Variants in MTAP observed in about 807,000 individuals in gnomAD.
The protein encoded by MTAP is S-methyl-5'-thioadenosine phosphorylase.
A neutral mutation model predicts 33.6 loss-of-function variants in MTAP; 33 were observed. The observed-to-expected ratio is 0.98, with a 90% CI of 0.74 to 1.31. The LOEUF (loss-of-function observed/expected upper bound fraction) is 1.31. Among genes scored for constraint, MTAP ranks in the 40% most tolerant of loss-of-function variants. The probability of loss-of-function intolerance (pLI) is 0.00; values close to 1 mark genes in which losing one functional copy is unlikely to be tolerated. For missense variants in MTAP, 367 were observed against 360.0 expected (o/e 1.02, Z -0.16); for synonymous variants, 148 against 125.7 (o/e 1.18, Z -1.19).
intron 1 of MTAP, among the ~76,000 whole-genome samples, chr9:21,890,457 G>T (rs1378822702): frequency 6.6e-6 from 1 of 152,080 alleles, no homozygotes; most frequent in Admixed American, 6.5e-5. Flanking sequence ...CTCACTTCTG[G>T]ATTCTGCCCA....
At chr9:21,804,722 G>T (rs1824161256) in intron 1 of MTAP, among the ~76,000 whole-genome samples, 1 of 152,188 alleles carries the variant, frequency 6.6e-6, no homozygotes, top group Non-Finnish European at 1.5e-5. Context: ...AGAATGATGG[G>T]GCTGGAGTGT....
chr9:21,931,556 A>C (rs1446100135), downstream of MTAP: 1 of 185,022 alleles, frequency 5.4e-6, no homozygotes, highest in East Asian at 1.4e-4. Flanking sequence ...AGGCTCAAAC[A>C]TGGGCACTAA....
intron 6 of MTAP, among the ~76,000 whole-genome samples, chr9:21,858,718 A>G (rs1416747928): frequency 1.3e-5 from 2 of 152,224 alleles, no homozygotes; most frequent in Admixed American, 6.5e-5. Context: ...AATCCAAACC[A>G]TACCAGAATT....
chr9:21,819,490 G>A (rs1018965833), intron 4 of MTAP, among the ~76,000 whole-genome samples: 16 of 152,186 alleles, frequency 1.1e-4, no homozygotes, highest in South Asian at 2.1e-4. Context: ...TTATGGCTGC[G>A]TAGTATTCCA....
At chr9:21,929,747 C>T (rs937603902) in intron 1 of MTAP, 1 of 213,948 alleles carries the variant, frequency 4.7e-6, no homozygotes, top group Non-Finnish European at 9.7e-6. Flanking sequence ...AAAAGCAAAG[C>T]AGTATTTACT....
chr9:21,901,477 A>G (rs1818392278), intron 1 of MTAP, among the ~76,000 whole-genome samples: 1 of 152,212 alleles, frequency 6.6e-6, no homozygotes, highest in Non-Finnish European at 1.5e-5. Context: ...AAAGAATCAG[A>G]CATCAGGCAC....
intron 5 of MTAP, among the ~76,000 whole-genome samples, chr9:21,850,553 A>G (rs1825485515): frequency 6.6e-6 from 1 of 152,226 alleles, no homozygotes; most frequent in Admixed American, 6.5e-5. Context: ...TCAGTGGCAG[A>G]TAAGGATGCT....
intron 1 of MTAP, among the ~76,000 whole-genome samples, chr9:21,912,906 C>T (rs556005748): frequency 1.3e-5 from 2 of 152,304 alleles, no homozygotes; most frequent in African/African-American, 2.4e-5. Context: ...TCCAAAATCT[C>T]GTTAAGCTGA....
chr9:21,846,768 G>A (rs1254415048), intron 5 of MTAP, among the ~76,000 whole-genome samples: 2 of 152,178 alleles, frequency 1.3e-5, no homozygotes, highest in Admixed American at 1.3e-4. Context: ...ATATGAAAAA[G>A]ACACTTGCAC....
chr9:21,885,779 GGTGTGTGTGTGTGTGTGT>G (rs34691018), intron 1 of MTAP, among the ~76,000 whole-genome samples: 1 of 144,348 alleles, frequency 6.9e-6, no homozygotes, highest in African/African-American at 2.5e-5. Flanking sequence ...AGTATTACAT[GGTGTGTGTGTGTGTGTGT>G]GTGTGTGTGT....
At chr9:21,920,546 G>A (rs57581484) in intron 1 of MTAP, among the ~76,000 whole-genome samples, 4,488 of 152,180 alleles carry the variant, frequency 0.029, 224 homozygotes, top group African/African-American at 0.1. Flanking sequence ...ACAAAAAAGT[G>A]CAATTATGCA....
At chr9:21,833,574 C>T (rs1757086158) in intron 4 of MTAP, among the ~76,000 whole-genome samples, 1 of 152,154 alleles carries the variant, frequency 6.6e-6, no homozygotes, top group African/African-American at 2.4e-5. Flanking sequence ...CTGTTTGATT[C>T]TTGGGATATA....
chr9:21,938,142 C>T (rs777933031), downstream of MTAP, among the ~76,000 whole-genome samples: 3 of 152,020 alleles, frequency 2.0e-5, no homozygotes, highest in East Asian at 1.9e-4. Context: ...GGCATGGCGG[C>T]GTGTGCCTGT....
intron 5 of MTAP, among the ~76,000 whole-genome samples, chr9:21,851,636 G>A (rs924504496): frequency 2.0e-5 from 3 of 152,164 alleles, no homozygotes; most frequent in Non-Finnish European, 2.9e-5. Context: ...TTAACACTGA[G>A]TGTTAACTTG....
chr9:21,838,378 T>G (rs116878682), intron 5 of MTAP, among the ~76,000 whole-genome samples: 2,734 of 152,320 alleles, frequency 0.018, 37 homozygotes, highest in Admixed American at 0.03. Context: ...GAGGACAAAT[T>G]ATTTGACATA....
Position 21,894,856 on chromosome 9 carries a change from A to G in MTAP, c.148-36152A>G, listed in dbSNP as rs566820082. ...ATTTTAGGGTACAAAATCAATGTAT[A>G]AAACTCAGCATTTCAATACATCAAT... On this transcript the variant is annotated intron_variant, in intron 1 of 1. Transcript: ENST00000577563. Among the ~76,000 whole-genome samples, 11 of 152,258 alleles carry G rather than the reference A, an allele frequency of 7.2e-5. No individual in the cohort carries two copies. In the South Asian group the frequency reaches 2.3e-3, roughly 32 times the overall value.
intron 1 of MTAP, among the ~76,000 whole-genome samples, chr9:21,924,514 A>G (rs1449578116): frequency 6.6e-6 from 1 of 152,224 alleles, no homozygotes. Context: ...TCCCCTATGT[A>G]CAGGCCCTAA....
Position 21,865,503 on chromosome 9 carries a change from T to A in MTAP, c.*3489T>A, listed in dbSNP as rs887696084. 2 of 985,480 alleles carry A rather than the reference T, an allele frequency of 2.0e-6. No homozygotes were observed. The highest frequency in any genetic ancestry group is 2.4e-6 in the Non-Finnish European group (2 of 829,994). The allele number at this position is 985,480 out of a possible 1,614,324, so 61.0% of individuals were successfully genotyped here. The stretch of plus-strand genomic sequence containing the variant: ...ACTACCAGTGTGCACACAATCTGGC[T>A]CAATGTATATATTGGCCCAGCAAGG... On this transcript the variant is annotated 3_prime_UTR_variant, in exon 8 of 8. Transcript: ENST00000644715.
intron 4 of MTAP, among the ~76,000 whole-genome samples, chr9:21,834,486 T>C (rs1179214420): frequency 7.9e-5 from 12 of 152,236 alleles, no homozygotes; most frequent in African/African-American, 2.9e-4. Flanking sequence ...TGGGTCTCAC[T>C]GAAACTAGAA....
Sources: gnomAD v4.1 joint callset for allele counts (sites outside exome capture counted in the v4.1 genomes callset) on GRCh38, gnomAD v4.1.1 for gene constraint, MANE v1.5 for transcripts, NCBI Gene and HGNC (gene_info 2026-07-23, HGNC 2026-07-21) for gene names.